JAML: variants seen among roughly 807,000 people sequenced by gnomAD.
The protein encoded by JAML is junctional adhesion molecule-like.
A neutral mutation model predicts 39.3 loss-of-function variants in JAML; 25 were observed. The ratio of observed to expected loss-of-function variants is 0.64; its 90% CI spans 0.46 to 0.89. JAML has a LOEUF of 0.89. Ranked by LOEUF, JAML falls within the 40% of genes least tolerant of loss-of-function variation. JAML has a pLI of 0.00. For synonymous variants in JAML, 162 were observed against 179.2 expected (o/e 0.90, Z 0.77); for missense variants, 440 against 486.9 (o/e 0.90, Z 0.91).
intron 1 of JAML, among the ~76,000 whole-genome samples, chr11:118,216,572 TAACGTAGATAA>T (rs1339396059): frequency 7.9e-5 from 12 of 152,110 alleles, no homozygotes; most frequent in Admixed American, 7.9e-4. Flanking sequence ...TCTAATAGTA[TAACGTAGATAA>T]CAGTGCTTTG....
chr11:118,224,572 T>C (rs1045334379), intron 1 of JAML, among the ~76,000 whole-genome samples: 8 of 152,206 alleles, frequency 5.3e-5, no homozygotes, highest in African/African-American at 1.7e-4. Flanking sequence ...AAAAACTGTC[T>C]TCTAAAAAGA....
chr11:118,214,587 C>G (rs577390984), intron 2 of JAML, among the ~76,000 whole-genome samples: 1 of 152,112 alleles, frequency 6.6e-6, no homozygotes, highest in South Asian at 2.1e-4. Context: ...CCCAGAACAC[C>G]CTTTAGGACC....
intron 4 of JAML, among the ~76,000 whole-genome samples, chr11:118,209,869 C>A (rs1949010547): frequency 2.0e-5 from 3 of 150,490 alleles, no homozygotes; most frequent in Admixed American, 2.0e-4. Context: ...CTTTTCTTTT[C>A]TCTTTTTTTA....
At chr11:118,215,165 G>A (rs1197874074) in intron 1 of JAML, among the ~76,000 whole-genome samples, 1 of 152,166 alleles carries the variant, frequency 6.6e-6, no homozygotes, top group Non-Finnish European at 1.5e-5. Context: ...GAGTCACTTG[G>A]GGGCTGCTTT....
In JAML at chr11:118,212,524, C is replaced by G; in HGVS notation, c.81G>C (p.Pro27=). ...SLGLNDLNVS[P]PELTVHVGDS... is the part of the protein sequence containing the mutation. ...CACCCACATGGACTGTTAGCTCAGG[C>G]GGGGAAACATTCAAGTCATTCAGGC... is the stretch of plus-strand genomic sequence containing the variant. Residue 27 remains proline (P), a synonymous_variant, in exon 3 of 10, where the codon CCG becomes CCC. Coordinates refer to ENST00000356289, the MANE Select transcript of JAML (RefSeq NM_001098526.2). 6.2e-7 allele frequency: 1 copy of G among 1,614,058 alleles called. No individual in the cohort carries two copies. The highest frequency in any genetic ancestry group is 8.5e-7 in the Non-Finnish European group (1 of 1,180,018).
In JAML at chr11:118,194,274, C is replaced by A. The variant is rs779131806; in HGVS notation, c.*51G>T. ...CACTGGTAGAGTGGCCCAGGACACACACAGGAGAGAGTCTCCACCGCTGCT... is the reference window on the plus strand; with the variant it reads ...CACTGGTAGAGTGGCCCAGGACACAAACAGGAGAGAGTCTCCACCGCTGCT... On this transcript the variant is annotated 3_prime_UTR_variant, in exon 10 of 10. Coordinates refer to ENST00000356289, the MANE Select transcript of JAML (RefSeq NM_001098526.2). The A allele has an allele frequency of 4.0e-6, 6 of 1,510,974 alleles. No individual in the cohort carries two copies. Among genetic ancestry groups the A allele is most frequent in the African/African-American group, 2.8e-5 (2 of 72,664 alleles). 93.6% of individuals were successfully genotyped at this position (1,510,974 alleles called of 1,614,324 possible).
At chr11:118,203,149 G>A in intron 6 of JAML, 2 of 583,454 alleles carry the variant, frequency 3.4e-6, no homozygotes, top group East Asian at 3.8e-5. Context: ...GATGACCCTG[G>A]CAATGAGTGG....
At chr11:118,218,654 C>A (rs1949174683) in intron 1 of JAML, among the ~76,000 whole-genome samples, 1 of 152,160 alleles carries the variant, frequency 6.6e-6, no homozygotes, top group Admixed American at 6.5e-5. Flanking sequence ...GAACACTATT[C>A]AAGTTTGAAT....
At chr11:118,208,336 GA>G (rs1447029742) in intron 4 of JAML, among the ~76,000 whole-genome samples, 3 of 152,042 alleles carry the variant, frequency 2.0e-5, no homozygotes, top group East Asian at 1.9e-4. Context: ...AAATGACAAT[GA>G]AAAAAAAGTA....
chr11:118,224,262 C>T (rs1949238588), intron 1 of JAML, among the ~76,000 whole-genome samples: 1 of 152,164 alleles, frequency 6.6e-6, no homozygotes, highest in Admixed American at 6.5e-5. Context: ...CTCTCTTCTC[C>T]AGAGTAGGTT....
At position 118,203,458 on chromosome 11, in the gene JAML, C is replaced by A. The variant is rs1430289198; in HGVS notation, c.742G>T (p.Val248Leu). The change falls in exon 6 of 10, where the codon GTG (valine) becomes TTG (leucine). Residue 248 changes from valine (V) to leucine (L), a missense_variant. Physicochemically the swap from Val to Leu is conservative, Grantham distance 32. Transcript: ENST00000356289. Reference protein sequence around the residue: ...LGNLVFKKTIVLHVSPEEPRT... With the variant: ...LGNLVFKKTILLHVSPEEPRT... ...GGCTCTTCCGGGCTGACATGCAGCA[C>A]AATGGTTTTCTTGAACACCAGGTTC... 2 of 1,614,130 alleles carry A rather than the reference C, an allele frequency of 1.2e-6. No individual in the cohort carries two copies. The highest frequency in any genetic ancestry group is 1.7e-6 in the Non-Finnish European group (2 of 1,180,018).
chr11:118,208,742 A>G (rs943119567), intron 4 of JAML, among the ~76,000 whole-genome samples: 3 of 152,206 alleles, frequency 2.0e-5, no homozygotes, highest in Non-Finnish European at 2.9e-5. Context: ...ACTTTCATTT[A>G]TGTATTTTTA....
At chr11:118,216,525 G>T (rs1463575819) in intron 1 of JAML, among the ~76,000 whole-genome samples, 1 of 152,142 alleles carries the variant, frequency 6.6e-6, no homozygotes, top group Non-Finnish European at 1.5e-5. Flanking sequence ...TGCTGAACCT[G>T]TTTCCTTGCC....
chr11:118,206,516 TA>T (rs1358854346), intron 4 of JAML, among the ~76,000 whole-genome samples: 9 of 152,234 alleles, frequency 5.9e-5, no homozygotes, highest in Non-Finnish European at 1.3e-4. Flanking sequence ...CTCTCCCAAC[TA>T]AAAAAATGAA....
rs575290761 is a variant in JAML at position 118,216,248 on chromosome 11, G to C, written c.-20-1362C>G. ...TAGCCGGGCATGGTGGCGGCCGCCT[G>C]TAATCCCAGCTACGGGAGGCTGAGA... On this transcript the variant is annotated intron_variant, in intron 1 of 9. Transcript: ENST00000356289. 2.6e-4 allele frequency among the ~76,000 whole-genome samples: 39 copies of C among 152,104 alleles called. No homozygotes were observed. The East Asian group carries it at 7.5e-3, about 29-fold the overall frequency.
At chr11:118,223,523 G>T (rs1026860148) in intron 1 of JAML, among the ~76,000 whole-genome samples, 1 of 152,084 alleles carries the variant, frequency 6.6e-6, no homozygotes, top group Non-Finnish European at 1.5e-5. Flanking sequence ...AAAATAATGA[G>T]ATTTTTGTTT....
rs947375711 is a variant in JAML, at chr11:118,218,175, C to A, written c.-20-3289G>T. On this transcript the variant is annotated intron_variant, in intron 1 of 9. Transcript: ENST00000356289. ...ATGGCACGATCTCAGCTCACCGCAA[C>A]CTCCGCCTCTCGGGTTCAAGTGATT... Among the ~76,000 whole-genome samples the A allele has an allele frequency of 3.9e-5, 6 of 152,292 alleles. No homozygotes were observed. The South Asian group carries it at 1.2e-3, about 32-fold the overall frequency.
At chr11:118,196,971 T>C in intron 8 of JAML, 150 bp from the exon 9 acceptor site, 1 of 609,984 alleles carries the variant, frequency 1.6e-6, no homozygotes, top group South Asian at 1.9e-5. Flanking sequence ...TCAACAATGA[T>C]AATTCAGTCT....
rs1400332813 is a variant in JAML at position 118,222,726 on chromosome 11, G to A, written c.-21+2215C>T. The stretch of plus-strand genomic sequence containing the variant: ...TTGGTGGGAGGTTATAAGAAGGCGT[G>A]TGAATATGGTTTCTGTTAAAGAGAA... On this transcript the variant is annotated intron_variant, in intron 1 of 9. Transcript: ENST00000356289. This position sits in a 1 kb window ranked among gnomAD's most constrained non-coding sequence, Gnocchi z 4.2. Among the ~76,000 whole-genome samples the A allele has an allele frequency of 6.6e-6, 1 of 152,192 alleles. No individual in the cohort carries two copies. Among genetic ancestry groups the A allele is most frequent in the Non-Finnish European group, 1.5e-5 (1 of 68,032 alleles).
Sources: gnomAD v4.1 joint callset for allele counts (sites outside exome capture counted in the v4.1 genomes callset) on GRCh38, gnomAD v4.1.1 for gene constraint, Gnocchi (gnomAD v3.1) non-coding constraint, MANE v1.5 for transcripts, NCBI Gene and HGNC (gene_info 2026-07-23, HGNC 2026-07-21) for gene names.